Variants in ARFGEF3 observed in about 807,000 individuals in gnomAD.
ARFGEF3 encodes the protein ARFGEF family member 3, also known as brefeldin A-inhibited guanine nucleotide-exchange protein 3.
In ARFGEF3, 96 loss-of-function variants were observed where a neutral mutation model predicts 221.7. The observed-to-expected ratio is 0.43, with a 90% CI of 0.37 to 0.51. The LOEUF is 0.51. ARFGEF3 is among the 20% of genes least tolerant of loss of function. ARFGEF3 has a pLI of 0.00. For missense variants in ARFGEF3, 2,410 were observed against 2,789.9 expected, an observed-to-expected ratio of 0.86 and a Z score of 3.07; for synonymous variants, 1,145 against 1,126.8, an observed-to-expected ratio of 1.02 and a Z score of -0.32.
chr6:138,306,517 A>T (rs183308347), intron 22 of ARFGEF3, among the ~76,000 whole-genome samples: 35 of 152,334 alleles, frequency 2.3e-4, no homozygotes, highest in Admixed American at 1.2e-3. Flanking sequence ...AACTTGAAAA[A>T]GAAGGACAAA....
At chr6:138,313,081 A>G (rs1779859552) in intron 25 of ARFGEF3, among the ~76,000 whole-genome samples, 2 of 152,156 alleles carry the variant, frequency 1.3e-5, no homozygotes, top group Admixed American at 6.5e-5. Flanking sequence ...TATTTTAGAA[A>G]GGATTGTAGT....
At chr6:138,214,239 A>G (rs1777790820) in intron 4 of ARFGEF3, among the ~76,000 whole-genome samples, 1 of 152,228 alleles carries the variant, frequency 6.6e-6, no homozygotes, top group Admixed American at 6.5e-5. Flanking sequence ...AGAGAATTAG[A>G]TGAGTCCCCA....
In ARFGEF3 at chr6:138,291,897, G is replaced by T; in HGVS notation, c.3212G>T (p.Arg1071Leu). 2.0e-6 allele frequency: 3 copies of T among 1,489,482 alleles called. No individual in the cohort carries two copies. The highest frequency in any genetic ancestry group is 2.9e-5 in the African/African-American group (2 of 69,640). 92.3% of individuals were successfully genotyped at this position (1,489,482 alleles called of 1,614,324 possible). ...SPPEHSPEQGRSLSTAPVVQP... is the reference protein window; with the variant it reads ...SPPEHSPEQGLSLSTAPVVQP... ...CCCGAGCACAGCCCGGAGCAGGGGCGCTCCCTGAGCACGGCCCCTGTCGTC... is the reference window on the plus strand; with the variant it reads ...CCCGAGCACAGCCCGGAGCAGGGGCTCTCCCTGAGCACGGCCCCTGTCGTC... The change falls in exon 19 of 34, where the codon CGC (arginine) becomes CTC (leucine). Residue 1071 changes from arginine (R) to leucine (L), a missense_variant. Physicochemically the swap from Arg to Leu is moderately radical, Grantham distance 102. Around this residue, in one of 5 missense-constraint regions of ARFGEF3, gnomAD observed 184 missense variants for 141.8 expected, o/e 1.30. Transcript: ENST00000251691. The surrounding 1 kb of genome is among the most constrained non-coding windows in gnomAD (Gnocchi z 4.5).
chr6:138,298,715 A>G lies in ARFGEF3; in HGVS notation c.3758A>G (p.Asn1253Ser), dbSNP rs777487133. The change falls in exon 22 of 34, where the codon AAT (asparagine) becomes AGT (serine). Residue 1253 changes from asparagine (N) to serine (S), a missense_variant. Physicochemically the swap from Asn to Ser is conservative, Grantham distance 46 (BLOSUM62 1). Transcript: ENST00000251691. ...DWNEPPHFHF[N>S]EALFRPFERI... ...AATGAGCCACCTCATTTTCACTTCAATGAAGCACTCTTCCGACCTTTCGAG... is the reference window on the plus strand; with the variant it reads ...AATGAGCCACCTCATTTTCACTTCAGTGAAGCACTCTTCCGACCTTTCGAG... 3 of 1,613,680 alleles carry G rather than the reference A, an allele frequency of 1.9e-6. No individual in the cohort carries two copies. The highest frequency in any genetic ancestry group is 1.7e-5 in the Admixed American group (1 of 60,014).
intron 22 of ARFGEF3, among the ~76,000 whole-genome samples, chr6:138,304,260 A>G (rs1453762437): frequency 6.6e-6 from 1 of 152,308 alleles, no homozygotes; most frequent in African/African-American, 2.4e-5. Flanking sequence ...CATATGTTAT[A>G]TGACTACATT....
intron 2 of ARFGEF3, among the ~76,000 whole-genome samples, chr6:138,204,576 G>A (rs572943731): frequency 6.6e-6 from 1 of 152,260 alleles, no homozygotes; most frequent in East Asian, 1.9e-4. Flanking sequence ...TTAAGACAGA[G>A]ACCATTTGGA....
chr6:138,316,721 G>A (rs1342188001), intron 26 of ARFGEF3, among the ~76,000 whole-genome samples: 3 of 152,168 alleles, frequency 2.0e-5, no homozygotes, highest in East Asian at 3.8e-4. Context: ...GGACTGGAGC[G>A]AGGAAGAAAG....
At chr6:138,215,081 A>G (rs985141048) in intron 4 of ARFGEF3, among the ~76,000 whole-genome samples, 1 of 152,228 alleles carries the variant, frequency 6.6e-6, no homozygotes, top group Non-Finnish European at 1.5e-5. Context: ...ACATTTTCCT[A>G]TGGTGTGTGC....
Position 138,324,067 on chromosome 6 carries a change from G to A in ARFGEF3, c.4914G>A (p.Gly1638=). 6.2e-7 allele frequency: 1 copy of A among 1,613,926 alleles called. No individual in the cohort carries two copies. The highest frequency in any genetic ancestry group is 8.5e-7 in the Non-Finnish European group (1 of 1,179,892). ...ACAGCGGCACGGAGAGCTTCAGCGGGGAAGGCTGCCAGGTGCGAGTGGCGG... is the reference window on the plus strand; with the variant it reads ...ACAGCGGCACGGAGAGCTTCAGCGGAGAAGGCTGCCAGGTGCGAGTGGCGG... The part of the protein sequence containing the change: ...CFHSGTESFS[G]EGCQVRVAAP... The change falls in exon 31 of 34, where the codon GGG becomes GGA. Residue 1638 remains glycine, a synonymous_variant. Transcript: ENST00000251691.
In ARFGEF3 at chr6:138,229,711, G is replaced by C. The variant is rs190732506; in HGVS notation, c.352-73G>C. The C allele has an allele frequency of 1.3e-3, 1,467 of 1,137,974 alleles. 4 individuals carry two copies. Among genetic ancestry groups the C allele is most frequent in the Non-Finnish European group, 1.3e-3 (968 of 753,964 alleles). 70.5% of individuals were successfully genotyped at this position (1,137,974 alleles called of 1,614,324 possible). A position where few individuals can be genotyped will look rare whatever the true frequency, so the allele number is the denominator to read the frequency against. On this transcript the variant is annotated intron_variant, in intron 4 of 33. Coordinates refer to ENST00000251691, the MANE Select transcript of ARFGEF3 (RefSeq NM_020340.5). ...ATCATAAAAACAGGACTGCACAAATGGCATATGAAACAACAGTGAATTTCC... is the reference window on the plus strand; with the variant it reads ...ATCATAAAAACAGGACTGCACAAATCGCATATGAAACAACAGTGAATTTCC...
At chr6:138,297,618 T>TACTA (rs1779545190) in intron 21 of ARFGEF3, among the ~76,000 whole-genome samples, 1 of 152,232 alleles carries the variant, frequency 6.6e-6, no homozygotes, top group Non-Finnish European at 1.5e-5. Flanking sequence ...GAACTTAAAT[T>TACTA]ACTAACCTGA....
intron 14 of ARFGEF3, among the ~76,000 whole-genome samples, chr6:138,280,771 A>C (rs1322853158): frequency 6.6e-6 from 1 of 152,178 alleles, no homozygotes; most frequent in African/African-American, 2.4e-5. Context: ...GAATCATTTG[A>C]ACCCGGGAGG....
intron 2 of ARFGEF3, among the ~76,000 whole-genome samples, chr6:138,192,065 G>A (rs1777314174): frequency 6.6e-6 from 1 of 152,190 alleles, no homozygotes; most frequent in Admixed American, 6.5e-5. Flanking sequence ...TTGGACCCGT[G>A]TTGTAGAGGC....
intron 2 of ARFGEF3, among the ~76,000 whole-genome samples, chr6:138,193,407 C>T (rs1207529274): frequency 6.6e-6 from 1 of 152,168 alleles, no homozygotes; most frequent in East Asian, 1.9e-4. Context: ...CCTATGTTTC[C>T]ATATTATCAC....
At chr6:138,284,792 T>C (rs1187440517) in intron 14 of ARFGEF3, among the ~76,000 whole-genome samples, 2 of 152,188 alleles carry the variant, frequency 1.3e-5, no homozygotes, top group Non-Finnish European at 2.9e-5. Flanking sequence ...CAGGAACATG[T>C]TCTGAGAAAT....
At chr6:138,275,339 T>C (rs572538935) in intron 12 of ARFGEF3, among the ~76,000 whole-genome samples, 1 of 152,268 alleles carries the variant, frequency 6.6e-6, no homozygotes, top group South Asian at 2.1e-4. Context: ...ATAATATATA[T>C]GCTTAGTCCC....
chr6:138,229,253 G>GAT (rs1316897113), intron 4 of ARFGEF3, among the ~76,000 whole-genome samples: 1 of 152,216 alleles, frequency 6.6e-6, no homozygotes, highest in Non-Finnish European at 1.5e-5. Flanking sequence ...GGTGGAGATG[G>GAT]CTTTGCCTCG....
intron 4 of ARFGEF3, among the ~76,000 whole-genome samples, chr6:138,223,812 C>T (rs1473094846): frequency 6.6e-6 from 1 of 152,126 alleles, no homozygotes; most frequent in East Asian, 1.9e-4. Context: ...TGTGTTGGAC[C>T]ATGGCATGAC....
chr6:138,209,748 C>G (rs1036018201), intron 3 of ARFGEF3, among the ~76,000 whole-genome samples, 162 bp from the exon 4 acceptor site: 16 of 152,138 alleles, frequency 1.1e-4, no homozygotes, highest in Non-Finnish European at 2.2e-4. Flanking sequence ...GCCCTGGCCG[C>G]ATTTTTCTTT....
Sources: allele counts gnomAD v4.1 joint callset (sites outside exome capture counted in the v4.1 genomes callset), GRCh38; gene constraint gnomAD v4.1.1; regional missense constraint gnomAD v4.1.1; non-coding constraint Gnocchi (gnomAD v3.1); transcripts MANE v1.5; gene names NCBI Gene and HGNC (gene_info 2026-07-23, HGNC 2026-07-21).